The following PTPRD variants were observed in gnomAD, a reference collection of about 807,000 sequenced individuals.
PTPRD encodes receptor-type tyrosine-protein phosphatase delta.
Under a neutral mutation model 214.5 loss-of-function variants are expected in PTPRD, and 34 were observed. The ratio of observed to expected loss-of-function variants is 0.16; its 90% CI spans 0.12 to 0.21. The LOEUF (loss-of-function observed/expected upper bound fraction) is 0.21. Ranked by LOEUF, PTPRD falls within the 10% of genes least tolerant of loss-of-function variation. The pLI is 1.00. For synonymous variants in PTPRD, 1,128 were observed against 845.7 expected (o/e 1.33, Z -5.79); for missense variants, 2,545 against 2,398.7 (o/e 1.06, Z -1.27).
chr9:10,004,168 G>A (rs1275112756), intron 4 of PTPRD, among the ~76,000 whole-genome samples: 1 of 151,888 alleles, frequency 6.6e-6, no homozygotes, highest in South Asian at 2.1e-4. Context: ...AAGTTTGATG[G>A]AGAAAATGTG....
intron 9 of PTPRD, among the ~76,000 whole-genome samples, chr9:9,234,214 T>A (rs995600402): frequency 6.6e-6 from 1 of 152,196 alleles, no homozygotes. Flanking sequence ...ACACTACAGG[T>A]AAGCTGCAAG....
chr9:9,845,014 G>C (rs1385622194), intron 5 of PTPRD, among the ~76,000 whole-genome samples: 1 of 142,510 alleles, frequency 7.0e-6, no homozygotes, highest in Non-Finnish European at 1.5e-5. Context: ...CTGAAATACT[G>C]TATGTATATA....
At chr9:8,994,769 A>G (rs2099390250) in intron 11 of PTPRD, among the ~76,000 whole-genome samples, 1 of 152,046 alleles carries the variant, frequency 6.6e-6, no homozygotes, top group Non-Finnish European at 1.5e-5. Flanking sequence ...ATTGGGAGAT[A>G]AATTTGGAAA....
chr9:10,578,704 CT>C, intron 2 of PTPRD, among the ~76,000 whole-genome samples: 1 of 152,194 alleles, frequency 6.6e-6, no homozygotes, highest in East Asian at 1.9e-4. Flanking sequence ...AGCATTGCCA[CT>C]TTCGTTCATA....
intron 7 of PTPRD, among the ~76,000 whole-genome samples, chr9:9,620,629 CA>C (rs1426355231): frequency 1.3e-5 from 2 of 152,058 alleles, no homozygotes; most frequent in Non-Finnish European, 2.9e-5. Flanking sequence ...CTTTCAACAT[CA>C]ATTTGAAGGT....
At chr9:10,589,224 G>C (rs113586082) in intron 2 of PTPRD, among the ~76,000 whole-genome samples, 3,281 of 152,050 alleles carry the variant, frequency 0.022, 120 homozygotes, top group African/African-American at 0.075. Flanking sequence ...AGATAAACAG[G>C]TCAAAAAGAT....
chr9:8,811,553 G>A (rs1024454227), intron 11 of PTPRD, among the ~76,000 whole-genome samples: 2 of 151,970 alleles, frequency 1.3e-5, no homozygotes, highest in African/African-American at 4.8e-5. Context: ...GGTCACTAAG[G>A]AACAGAACAA....
At chr9:8,984,728 TC>T (rs1328859863) in intron 11 of PTPRD, among the ~76,000 whole-genome samples, 3 of 152,104 alleles carry the variant, frequency 2.0e-5, no homozygotes, top group Admixed American at 2.0e-4. Flanking sequence ...CTGGTCTTGG[TC>T]CTTTATGTAG....
intron 9 of PTPRD, among the ~76,000 whole-genome samples, chr9:9,241,497 T>A (rs183314161): frequency 6.6e-6 from 1 of 152,216 alleles, no homozygotes; most frequent in Admixed American, 6.6e-5. Context: ...GAAACTAAGG[T>A]AAACTTCAGA....
chr9:8,663,977 T>C (rs1049595520), intron 12 of PTPRD, among the ~76,000 whole-genome samples: 1 of 152,132 alleles, frequency 6.6e-6, no homozygotes, highest in African/African-American at 2.4e-5. Flanking sequence ...CTCTGATATT[T>C]CACACTGCTT....
rs555734559 is a variant in PTPRD, at chr9:10,394,401, A to G, written c.-599-53384T>C. On this transcript the variant is annotated intron_variant, in intron 2 of 45. Transcript: ENST00000381196. ...TCTTGAATAATTTGGCAATAAATGA[A>G]TAATGCCTTCTTCTTAGTTAGGAAC... is the stretch of plus-strand genomic sequence containing the variant. Among the ~76,000 whole-genome samples, 13 of 151,782 alleles carry G rather than the reference A, an allele frequency of 8.6e-5. No individual in the cohort carries two copies. In the South Asian group the frequency reaches 2.7e-3, roughly 31 times the overall value.
At chr9:10,325,318 A>T (rs2096623816) in intron 3 of PTPRD, among the ~76,000 whole-genome samples, 1 of 151,996 alleles carries the variant, frequency 6.6e-6, no homozygotes. Flanking sequence ...GCAATTTTAA[A>T]AACGTTTTAA....
chr9:10,003,143 GA>G (rs2096375403), intron 4 of PTPRD, among the ~76,000 whole-genome samples: 1 of 151,784 alleles, frequency 6.6e-6, no homozygotes, highest in Non-Finnish European at 1.5e-5. Flanking sequence ...AGGGACATAA[GA>G]AATGAGTTCC....
chr9:8,643,796 G>A (rs527724056), intron 12 of PTPRD, among the ~76,000 whole-genome samples: 25 of 152,178 alleles, frequency 1.6e-4, no homozygotes, highest in Non-Finnish European at 3.4e-4. Context: ...GGGGAGCTGA[G>A]GGCAACTCAG....
chr9:10,056,828 T>A lies in PTPRD; in HGVS notation c.-544-23038A>T, dbSNP rs2097660068. Among the ~76,000 whole-genome samples the A allele has an allele frequency of 1.3e-5, 2 of 152,128 alleles. 1 individual carries two copies. Among genetic ancestry groups the A allele is most frequent in the South Asian group, 4.1e-4 (2 of 4,834 alleles). On this transcript the variant is annotated intron_variant, in intron 3 of 45. Transcript: ENST00000381196. ...TGCAAGCTGTATTAACTCTTACAGG[T>A]CACTTGAGTATTATTTATTGCACAG...
chr9:8,621,270 G>A (rs2095813615), intron 14 of PTPRD, among the ~76,000 whole-genome samples: 1 of 151,904 alleles, frequency 6.6e-6, no homozygotes, highest in East Asian at 1.9e-4. Context: ...CTCACTGGAG[G>A]ACACAGGAAG....
At chr9:9,096,800 C>T (rs1429374040) in intron 10 of PTPRD, among the ~76,000 whole-genome samples, 1 of 152,068 alleles carries the variant, frequency 6.6e-6, no homozygotes, top group Non-Finnish European at 1.5e-5. Flanking sequence ...TTATATAATG[C>T]TATGGAGGCT....
At chr9:8,744,801 A>T (rs1388226938) in intron 11 of PTPRD, among the ~76,000 whole-genome samples, 1 of 152,234 alleles carries the variant, frequency 6.6e-6, no homozygotes, top group Non-Finnish European at 1.5e-5. Flanking sequence ...TATTGAAATA[A>T]AAAATAAATT....
At chr9:8,779,657 C>T (rs796680952) in intron 11 of PTPRD, among the ~76,000 whole-genome samples, 3 of 152,256 alleles carry the variant, frequency 2.0e-5, no homozygotes, top group African/African-American at 7.2e-5. Flanking sequence ...TCTCCTCAGC[C>T]ATTTCAAGCT....
Sources: allele counts gnomAD v4.1 joint callset (sites outside exome capture counted in the v4.1 genomes callset), GRCh38; gene constraint gnomAD v4.1.1; transcripts MANE v1.5; gene names NCBI Gene and HGNC (gene_info 2026-07-23, HGNC 2026-07-21).